The following ECSIT variants were observed in gnomAD, a reference collection of about 807,000 sequenced individuals.
ECSIT encodes evolutionarily conserved signaling intermediate in Toll pathway, mitochondrial.
A neutral mutation model predicts 36.8 loss-of-function variants in ECSIT; 29 were observed. The observed-to-expected ratio is 0.79, with a 90% CI of 0.59 to 1.08. ECSIT has a LOEUF of 1.08. ECSIT is among the 50% of genes least tolerant of loss of function. ECSIT has a pLI of 0.00. For synonymous variants in ECSIT, 231 were observed against 234.8 expected (o/e 0.98, Z 0.15); for missense variants, 542 against 581.0 (o/e 0.93, Z 0.69).
rs1487507328 is a variant in ECSIT, at chr19:11,523,691, G to A, written c.-23-4498C>T. 4 of 716,868 alleles carry A rather than the reference G, an allele frequency of 5.6e-6. No homozygotes were observed. The African/African-American group carries it at 7.0e-5, about 13-fold the overall frequency. 44.4% of individuals were successfully genotyped at this position (716,868 alleles called of 1,614,324 possible). ...AAGGTTGATGACAACAAGAAACTAG[G>A]GGAATGGGTAGCGCTCTGTAAAATT... On this transcript the variant is annotated intron_variant, in intron 1 of 7. Coordinates refer to ENST00000270517, the MANE Select transcript of ECSIT (RefSeq NM_016581.5).
At chr19:11,514,972 T>C (rs1971960167) in intron 2 of ECSIT, among the ~76,000 whole-genome samples, 1 of 151,260 alleles carries the variant, frequency 6.6e-6, no homozygotes, top group Non-Finnish European at 1.5e-5. Context: ...CCAAGTAAGC[T>C]GGACTACAGA....
intron 4 of ECSIT, among the ~76,000 whole-genome samples, 191 bp downstream of exon 4, chr19:11,512,865 C>G (rs893021288): frequency 6.6e-6 from 1 of 152,060 alleles, no homozygotes; most frequent in Non-Finnish European, 1.5e-5. Flanking sequence ...ATCGCTTGAG[C>G]CTGGGAGGCA....
At position 11,506,405 on chromosome 19, in the gene ECSIT, T is replaced by C. The variant is rs774762405; in HGVS notation, c.1075A>G (p.Met359Val). 2.5e-6 allele frequency: 4 copies of C among 1,613,070 alleles called. No individual in the cohort carries two copies. Among genetic ancestry groups the C allele is most frequent in the Middle Eastern group, 1.7e-4 (1 of 6,060 alleles). The change falls in exon 8 of 8, where the codon ATG becomes GTG. Residue 359 changes from methionine (M) to valine (V), a missense_variant. Transcript: ENST00000270517. ...TGGTCATGAGCACCCGCCATGCACA[T>C]GGCGAAGACAGGGCCTTCCTCCACT... ...NEVEEGPVFA[M>V]CMAGAHDQAT...
At chr19:11,514,291 T>C (rs1428778871) in intron 2 of ECSIT, 70 bp from the exon 3 acceptor site, 2 of 1,449,100 alleles carry the variant, frequency 1.4e-6, no homozygotes, top group East Asian at 4.7e-5. Flanking sequence ...AGGCTGGCTC[T>C]TTCCTCAGAG....
chr19:11,522,181 G>A (rs1193287137), intron 1 of ECSIT: 7 of 489,466 alleles, frequency 1.4e-5, no homozygotes, highest in Admixed American at 6.5e-5. Context: ...GAGAAGTACC[G>A]CCTGCGGGTG....
intron 1 of ECSIT, among the ~76,000 whole-genome samples, chr19:11,527,951 C>T (rs1001546259): frequency 1.3e-5 from 2 of 152,084 alleles, no homozygotes; most frequent in Non-Finnish European, 2.9e-5. Flanking sequence ...CTATGGAGTG[C>T]ACTGCACCAC....
chr19:11,506,819 G>A (rs1039824260), intron 7 of ECSIT, among the ~76,000 whole-genome samples: 5 of 152,178 alleles, frequency 3.3e-5, no homozygotes, highest in African/African-American at 1.2e-4. Flanking sequence ...ACAGGCGTGA[G>A]CCACTGTGCC....
chr19:11,505,972 G>A lies in ECSIT; in HGVS notation c.*212C>T, dbSNP rs1407553839. 2 of 966,948 alleles carry A rather than the reference G, an allele frequency of 2.1e-6. No individual in the cohort carries two copies. Among genetic ancestry groups the A allele is most frequent in the African/African-American group, 1.7e-5 (1 of 60,246 alleles). 59.9% of individuals were successfully genotyped at this position (966,948 alleles called of 1,614,324 possible). A position where few individuals can be genotyped will look rare whatever the true frequency, so the allele number is the denominator to read the frequency against. On this transcript the variant is annotated 3_prime_UTR_variant, in exon 8 of 8. Transcript: ENST00000270517. ...CTCCCGCCCCTTTTTATTTGAATTC[G>A]GAGAACCAGAGGCGCCTGCAGATTC...
At chr19:11,524,494 A>G (rs1467097386) in intron 1 of ECSIT, among the ~76,000 whole-genome samples, 1 of 151,922 alleles carries the variant, frequency 6.6e-6, no homozygotes, top group African/African-American at 2.4e-5. Flanking sequence ...ACTGCACTCC[A>G]GTCTGGATGA....
rs544578011 is a variant in ECSIT, at chr19:11,514,081, C to T, written c.237G>A (p.Ala79=). ...TCGCCTTGTCCCGTTCCCCACCAGG[C>T]GCCTGCCCAAACAGGTCCTCAAAGG... The part of the protein sequence containing the change: ...LVPFEDLFGQ[A]PGGERDKASF... Residue 79 remains alanine (A), a synonymous_variant, in exon 3 of 8, where the codon GCG becomes GCA. Transcript: ENST00000270517. The T allele has an allele frequency of 1.1e-5, 18 of 1,614,170 alleles. No individual in the cohort carries two copies. Among genetic ancestry groups the T allele is most frequent in the Middle Eastern group, 1.6e-4 (1 of 6,062 alleles).
At chr19:11,525,734 TCTACTAACAAA>T in intron 1 of ECSIT, 1 of 97,276 alleles carries the variant, frequency 1.0e-5, no homozygotes, top group African/African-American at 4.7e-5. Context: ...AAACCCTGTC[TCTACTAACAAA>T]AAAAAAAAAA....
chr19:11,523,294 C>T (rs1257021429), intron 1 of ECSIT: 3 of 233,404 alleles, frequency 1.3e-5, no homozygotes, highest in Non-Finnish European at 2.4e-5. Context: ...TTCTTTTCTT[C>T]AGCTTATTGT....
rs1568400684 is a variant in ECSIT, at chr19:11,507,562, C to T, written c.946G>A (p.Glu316Lys). 6.2e-7 allele frequency: 1 copy of T among 1,614,066 alleles called. No homozygotes were observed. The highest frequency in any genetic ancestry group is 2.2e-5 in the East Asian group (1 of 44,882). The change falls in exon 7 of 8, where the codon GAA becomes AAA. Residue 316 changes from glutamate to lysine, a missense_variant and splice_region_variant. Physicochemically the swap from Glu to Lys is moderately conservative, Grantham distance 56. Coordinates refer to ENST00000270517, the MANE Select transcript of ECSIT (RefSeq NM_016581.5). ...RADLLPPEER[E>K]VEETPEEWNL... Reference sequence around the variant, plus strand: ...CACTCCTCCGGCGTCTCTTCCACTTCCTACTCCAAGGTGGGGAGTGCAGGC... The same window carrying T: ...CACTCCTCCGGCGTCTCTTCCACTTTCTACTCCAAGGTGGGGAGTGCAGGC...
chr19:11,507,983 G>C lies in ECSIT; in HGVS notation c.796+8C>G, dbSNP rs777510262. ...GAGACTTGGCTGCCCCCATGCTCTC[G>C]GACTTACCTACGATGTGGGGCTGGG... is the stretch of plus-strand genomic sequence containing the variant. On this transcript the variant is annotated splice_region_variant and intron_variant, in intron 5 of 7. Coordinates refer to ENST00000270517, the MANE Select transcript of ECSIT (RefSeq NM_016581.5). 2.5e-6 allele frequency: 4 copies of C among 1,613,914 alleles called. No homozygotes were observed. The highest frequency in any genetic ancestry group is 1.1e-5 in the South Asian group (1 of 91,084).
Position 11,513,966 on chromosome 19 carries a change from G to C in ECSIT, c.352C>G (p.Arg118Gly). The C allele has an allele frequency of 6.2e-7, 1 of 1,614,204 alleles. No individual in the cohort carries two copies. Among genetic ancestry groups the C allele is most frequent in the Non-Finnish European group, 8.5e-7 (1 of 1,180,042 alleles). ...DFIYLALRKM[R>G]EYGVERDLAV... ...AGGTCCCGCTCGACACCATACTCCCGCATCTTGCGCAGGGCCAGGTAGATG... is the reference window on the plus strand; with the variant it reads ...AGGTCCCGCTCGACACCATACTCCCCCATCTTGCGCAGGGCCAGGTAGATG... The change falls in exon 3 of 8, where the codon CGG (arginine) becomes GGG (glycine). Residue 118 changes from arginine to glycine, a missense_variant. Coordinates refer to ENST00000270517, the MANE Select transcript of ECSIT (RefSeq NM_016581.5).
intron 1 of ECSIT, among the ~76,000 whole-genome samples, chr19:11,527,646 A>G (rs1270705135): frequency 6.6e-6 from 1 of 152,144 alleles, no homozygotes; most frequent in African/African-American, 2.4e-5. Flanking sequence ...GCACTTGTGA[A>G]TAGCCACTGC....
intron 2 of ECSIT, 68 bp from the exon 3 acceptor site, chr19:11,514,289 T>C (rs903388289): frequency 2.1e-6 from 3 of 1,453,904 alleles, no homozygotes; most frequent in African/African-American, 2.8e-5. Context: ...CCAGGCTGGC[T>C]CTTTCCTCAG....
intron 1 of ECSIT, among the ~76,000 whole-genome samples, chr19:11,527,917 CA>C (rs1972248419): frequency 6.6e-6 from 1 of 152,078 alleles, no homozygotes; most frequent in Non-Finnish European, 1.5e-5. Context: ...TCACTTGAGC[CA>C]TGGAGTTTGA....
At chr19:11,506,471 T>A (rs758300191) in intron 7 of ECSIT, 43 bp from the exon 8 acceptor site, 17 of 1,574,718 alleles carry the variant, frequency 1.1e-5, no homozygotes, top group Non-Finnish European at 8.7e-7. Context: ...CAGTGGGGGC[T>A]GCAGCGGCTA....
Sources: gnomAD v4.1 joint callset for allele counts (sites outside exome capture counted in the v4.1 genomes callset) on GRCh38, gnomAD v4.1.1 for gene constraint, MANE v1.5 for transcripts, NCBI Gene and HGNC (gene_info 2026-07-23, HGNC 2026-07-21) for gene names.